Variants in GLIS3 observed in about 807,000 individuals in gnomAD.
GLIS3 encodes the protein zinc finger protein GLIS3.
GLIS3 carries 53 observed loss-of-function variants against 78.6 expected under a neutral mutation model. The ratio of observed to expected loss-of-function variants is 0.67; its 90% CI spans 0.54 to 0.85. The LOEUF is 0.85. Ranked by LOEUF, GLIS3 falls within the 40% of genes least tolerant of loss-of-function variation. GLIS3 has a pLI of 0.00. For synonymous variants in GLIS3, 684 were observed against 509.9 expected (o/e 1.34, Z -4.60); for missense variants, 1,703 against 1,231.1 (o/e 1.38, Z -5.74).
upstream of GLIS3, among the ~76,000 whole-genome samples, chr9:4,352,926 G>A (rs570806564): frequency 9.2e-5 from 14 of 152,296 alleles, 1 homozygote; most frequent in Non-Finnish European, 2.1e-4. Flanking sequence ...ACATTTAGTA[G>A]GTGTAAGTAG....
chr9:3,834,212 T>G (rs925434985), intron 9 of GLIS3, among the ~76,000 whole-genome samples: 4 of 152,326 alleles, frequency 2.6e-5, no homozygotes, highest in African/African-American at 9.6e-5. Flanking sequence ...CACGGTCCCT[T>G]TTGCTAATGA....
rs202074188 is a variant in GLIS3 at position 3,856,045 on chromosome 9, T to C, written c.2437A>G (p.Asn813Asp). ...ATACCATTTGGTTGAAAAGAAGAGT[T>C]TGTTTCTGGCTGATAGGACTTCAGG... is the stretch of plus-strand genomic sequence containing the variant. ...SHLKSYQPET[N>D]SSFQPNGIHV... Residue 813 changes from asparagine to aspartate, a missense_variant, in exon 9 of 11, where the codon AAC (asparagine) becomes GAC (aspartate). Transcript: ENST00000381971. 1.2e-5 allele frequency: 20 copies of C among 1,614,070 alleles called. No individual in the cohort carries two copies. Among genetic ancestry groups the C allele is most frequent in the African/African-American group, 1.2e-4 (9 of 74,922 alleles).
chr9:3,924,560 G>C (rs1266416139), intron 6 of GLIS3, among the ~76,000 whole-genome samples: 1 of 152,210 alleles, frequency 6.6e-6, no homozygotes, highest in Admixed American at 6.5e-5. Flanking sequence ...GCCCTTGTGT[G>C]AAGTCACCCT....
At chr9:3,866,208 C>T (rs1242481541) in intron 8 of GLIS3, among the ~76,000 whole-genome samples, 1 of 152,216 alleles carries the variant, frequency 6.6e-6, no homozygotes, top group Admixed American at 6.5e-5. Flanking sequence ...TAGCCATCAA[C>T]CTGACATAGT....
At chr9:4,292,830 G>T (rs1266773426) in intron 1 of GLIS3, among the ~76,000 whole-genome samples, 1 of 152,172 alleles carries the variant, frequency 6.6e-6, no homozygotes, top group Non-Finnish European at 1.5e-5. Flanking sequence ...CAATGTCTTT[G>T]AGAACTGAGT....
intron 1 of GLIS3, among the ~76,000 whole-genome samples, chr9:4,347,997 C>G (rs1450381426): frequency 6.6e-6 from 1 of 152,144 alleles, no homozygotes; most frequent in Non-Finnish European, 1.5e-5. Flanking sequence ...CCAAATTAGA[C>G]AGGATATGCC....
Position 3,987,784 on chromosome 9 carries a change from A to AAAAAAC in GLIS3, c.1711-50596_1711-50595insGTTTTT, listed in dbSNP as rs1554665966. The stretch of plus-strand genomic sequence containing the variant: ...GGCAAAAAAAAAAAAAAAAAAAAAA[A>AAAAAAC]AAAACAAAACACAAACATAAACCTA... On this transcript the variant is annotated intron_variant, in intron 4 of 10. Transcript: ENST00000381971. Among the ~76,000 whole-genome samples, 45 of 69,548 alleles carry AAAAAAC rather than the reference A, an allele frequency of 6.5e-4. 5 individuals carry two copies. Among genetic ancestry groups the AAAAAAC allele is most frequent in the Non-Finnish European group, 1.0e-3 (36 of 34,802 alleles). The allele number at this position is 69,548 out of a possible 152,430, so 45.6% of individuals were successfully genotyped here.
chr9:4,384,934 C>G, the GLIS3 span, among the ~76,000 whole-genome samples: 2 of 151,476 alleles, frequency 1.3e-5, no homozygotes, highest in South Asian at 4.1e-4. Context: ...GTCATTGTAA[C>G]GATTTTCAAC....
intron 4 of GLIS3, among the ~76,000 whole-genome samples, chr9:4,050,218 C>G (rs1195841209): frequency 6.6e-6 from 1 of 152,126 alleles, no homozygotes; most frequent in African/African-American, 2.4e-5. Flanking sequence ...CAATGATAGA[C>G]TGGATTAAGA....
intron 2 of GLIS3, among the ~76,000 whole-genome samples, chr9:4,180,531 T>C (rs994702670): frequency 3.3e-5 from 5 of 152,182 alleles, no homozygotes; most frequent in Non-Finnish European, 7.3e-5. Flanking sequence ...TCACACATAG[T>C]TGGCACTCAC....
the GLIS3 span, among the ~76,000 whole-genome samples, chr9:4,385,095 G>C: frequency 1.3e-5 from 2 of 152,138 alleles, no homozygotes; most frequent in Non-Finnish European, 2.9e-5. Flanking sequence ...TCTTAAAAAA[G>C]GAAAAATCTA....
Position 4,345,461 on chromosome 9 carries a change from A to C in GLIS3, n.264+1620T>G, listed in dbSNP as rs73388132. On this transcript the variant is annotated intron_variant and non_coding_transcript_variant, in intron 2 of 4. Transcript: ENST00000471664. ...GGCTCTCCCATTAGAATGCAAGTTC[A>C]TGAGGTCATTTTTACTAGAATGGTA... is the stretch of plus-strand genomic sequence containing the variant. 6.5e-3 allele frequency among the ~76,000 whole-genome samples: 990 copies of C among 152,304 alleles called. 9 individuals are homozygous for C. Among genetic ancestry groups the C allele is most frequent in the African/African-American group, 0.023 (952 of 41,558 alleles).
intron 7 of GLIS3, among the ~76,000 whole-genome samples, chr9:3,896,138 GCTT>G (rs1822813379): frequency 6.6e-6 from 1 of 152,094 alleles, no homozygotes; most frequent in South Asian, 2.1e-4. Flanking sequence ...TCATGGTTTG[GCTT>G]CTTTCCATAG....
intron 4 of GLIS3, among the ~76,000 whole-genome samples, chr9:3,951,668 G>A (rs1816688618): frequency 6.6e-6 from 1 of 152,120 alleles, no homozygotes. Flanking sequence ...AACGGACACT[G>A]ATTTTAATAA....
chr9:4,340,253 C>G (rs1817815329), intron 2 of GLIS3, among the ~76,000 whole-genome samples: 1 of 147,026 alleles, frequency 6.8e-6, no homozygotes. Flanking sequence ...TCCAAAACGT[C>G]TGTACCCAGA....
chr9:4,440,907 G>C, the GLIS3 span, among the ~76,000 whole-genome samples: 2 of 151,094 alleles, frequency 1.3e-5, no homozygotes, highest in Non-Finnish European at 3.0e-5. Context: ...AGTTATTTTT[G>C]GTAGTTATTA....
At chr9:3,954,381 C>T (rs1046066580) in intron 4 of GLIS3, among the ~76,000 whole-genome samples, 3 of 152,212 alleles carry the variant, frequency 2.0e-5, no homozygotes, top group African/African-American at 7.2e-5. Context: ...AGTCTGCTCA[C>T]ATTCTAGGCA....
Position 3,827,965 on chromosome 9 carries a change from G to A in GLIS3, c.*307C>T. The stretch of plus-strand genomic sequence containing the variant: ...TTTCATATGCACATCATTTCACTGG[G>A]GTCCTTTAAGGGTTGACAGCCAGGA... On this transcript the variant is annotated 3_prime_UTR_variant, in exon 11 of 11. Transcript: ENST00000381971. 2.4e-6 allele frequency: 1 copy of A among 414,010 alleles called. No individual in the cohort carries two copies. The highest frequency in any genetic ancestry group is 4.5e-6 in the Non-Finnish European group (1 of 220,458). 25.6% of individuals were successfully genotyped at this position (414,010 alleles called of 1,614,324 possible).
intron 4 of GLIS3, among the ~76,000 whole-genome samples, chr9:4,062,662 T>A (rs1826746654): frequency 6.6e-6 from 1 of 152,212 alleles, no homozygotes; most frequent in Admixed American, 6.5e-5. Flanking sequence ...GCACAGTGGC[T>A]CACGCCTGTA....
Sources: gnomAD v4.1 joint callset for allele counts (sites outside exome capture counted in the v4.1 genomes callset) on GRCh38, gnomAD v4.1.1 for gene constraint, MANE v1.5 for transcripts, NCBI Gene and HGNC (gene_info 2026-07-23, HGNC 2026-07-21) for gene names.